DSCAM: variants seen among roughly 807,000 people sequenced by gnomAD.
The protein encoded by DSCAM is DS cell adhesion molecule.
DSCAM carries 47 observed loss-of-function variants against 217.7 expected under a neutral mutation model. The ratio of observed to expected loss-of-function variants is 0.22; its 90% confidence interval spans 0.17 to 0.28. The LOEUF (loss-of-function observed/expected upper bound fraction) is 0.28. Among genes scored for constraint, DSCAM ranks in the 10% least tolerant of loss-of-function variants. The pLI is 1.00. For missense variants in DSCAM, 2,080 were observed against 2,618.3 expected (o/e 0.79, Z 4.49); for synonymous variants, 1,056 against 1,015.3 (o/e 1.04, Z -0.76).
chr21:40,039,217 T>TAACA lies in DSCAM; in HGVS notation c.5686+3150_5686+3153dup, dbSNP rs201134920. 6.2e-3 allele frequency among the ~76,000 whole-genome samples: 935 copies of TAACA among 151,580 alleles called. 6 individuals carry two copies. Among genetic ancestry groups the TAACA allele is most frequent in the African/African-American group, 0.022 (896 of 41,272 alleles). ...ATATGAACTAAGAAAAACTAAAGTC[T>TAACA]AACAGGGGAAACGTGTCAGAAAAAA... On this transcript the variant is annotated intron_variant, in intron 32 of 32. Transcript: ENST00000400454.
chr21:40,335,106 A>G (rs2074416719), intron 8 of DSCAM, among the ~76,000 whole-genome samples: 1 of 152,136 alleles, frequency 6.6e-6, no homozygotes, highest in South Asian at 2.1e-4. Context: ...TTCCCCAGGT[A>G]TCCATGAGCT....
intron 16 of DSCAM, among the ~76,000 whole-genome samples, chr21:40,149,996 GACC>G (rs1461233335): frequency 1.4e-4 from 22 of 152,112 alleles, no homozygotes; most frequent in Admixed American, 1.1e-3. Flanking sequence ...CCACCACAAT[GACC>G]ACAACTACTA....
intron 3 of DSCAM, among the ~76,000 whole-genome samples, chr21:40,665,209 G>C (rs1169628821): frequency 6.6e-6 from 1 of 152,168 alleles, no homozygotes; most frequent in Admixed American, 6.5e-5. Flanking sequence ...GCTGGGCATG[G>C]GGAGGTGGCA....
chr21:40,143,735 G>A (rs901254375), intron 17 of DSCAM, among the ~76,000 whole-genome samples: 18 of 152,182 alleles, frequency 1.2e-4, no homozygotes, highest in Non-Finnish European at 1.9e-4. Flanking sequence ...AGCTTGCAGC[G>A]AGCCAAGATC....
intron 18 of DSCAM, among the ~76,000 whole-genome samples, chr21:40,138,694 G>C (rs2090246354): frequency 6.7e-6 from 1 of 149,212 alleles, no homozygotes; most frequent in Admixed American, 6.7e-5. Context: ...GGTGTGGTGT[G>C]TGGTGTATGT....
chr21:40,230,530 G>A (rs1409582878), intron 11 of DSCAM, among the ~76,000 whole-genome samples: 1 of 152,088 alleles, frequency 6.6e-6, no homozygotes, highest in African/African-American at 2.4e-5. Context: ...TTTCTCAGGT[G>A]TAGACTTAGG....
At chr21:40,043,144 G>A (rs1426752440) in intron 31 of DSCAM, among the ~76,000 whole-genome samples, 2 of 152,186 alleles carry the variant, frequency 1.3e-5, no homozygotes, top group Non-Finnish European at 2.9e-5. Flanking sequence ...CATGTTGCAC[G>A]GAAATTGGCC....
In DSCAM at chr21:40,312,307, C is replaced by T. The variant is rs1260697732; in HGVS notation, c.1836G>A (p.Arg612=). The change falls in exon 9 of 33, where the codon CGG becomes CGA. Residue 612 remains arginine (R), a synonymous_variant. Transcript: ENST00000400454. ...FEFPRFSIGQ[R]VFIPCVVVSG... is the part of the protein sequence containing the mutation. ...AGACCACAACACAGGGGATGAAGAC[C>T]CGCTGCCCAATGGAGAATCTTGGAA... 1.2e-6 allele frequency: 2 copies of T among 1,613,922 alleles called. No individual in the cohort carries two copies. Among genetic ancestry groups the T allele is most frequent in the Non-Finnish European group, 1.7e-6 (2 of 1,180,020 alleles).
chr21:40,794,328 C>T (rs1178130080), intron 1 of DSCAM, among the ~76,000 whole-genome samples: 1 of 151,930 alleles, frequency 6.6e-6, no homozygotes, highest in Non-Finnish European at 1.5e-5. Context: ...GTGAGGCTAA[C>T]CTGATGCATT....
chr21:40,588,143 A>G (rs1369514390), intron 3 of DSCAM, among the ~76,000 whole-genome samples: 1 of 152,220 alleles, frequency 6.6e-6, no homozygotes, highest in African/African-American at 2.4e-5. Flanking sequence ...TTACAGCCAC[A>G]GACCTTGGCG....
At position 40,079,399 on chromosome 21, in the gene DSCAM, T is replaced by C. The variant is rs562456897; in HGVS notation, c.4421-422A>G. On this transcript the variant is annotated intron_variant, in intron 25 of 32. Transcript: ENST00000400454. ...TCCACAACTAAACACTTGGTCTTGG[T>C]GCCCAGGGACCTAAAGGATATATTT... Among the ~76,000 whole-genome samples the C allele has an allele frequency of 4.6e-5, 7 of 152,310 alleles. No homozygotes were observed. In the South Asian group the frequency reaches 1.5e-3, roughly 32 times the overall value.
At chr21:40,838,525 T>A (rs2092074875) in intron 1 of DSCAM, among the ~76,000 whole-genome samples, 1 of 152,212 alleles carries the variant, frequency 6.6e-6, no homozygotes, top group African/African-American at 2.4e-5. Context: ...TGCAGAAGCA[T>A]CCAATAATGA....
intron 32 of DSCAM, among the ~76,000 whole-genome samples, chr21:40,028,364 T>C (rs1211562406): frequency 7.1e-6 from 1 of 140,296 alleles, no homozygotes; most frequent in East Asian, 2.2e-4. Context: ...CCTTGAGCTG[T>C]GGTGGGCTCC....
chr21:40,505,587 A>G (rs1183249956), intron 3 of DSCAM, among the ~76,000 whole-genome samples: 2 of 152,228 alleles, frequency 1.3e-5, no homozygotes, highest in Non-Finnish European at 2.9e-5. Context: ...ACTATAATGA[A>G]TGTCCTACAC....
rs142038194 is a variant in DSCAM at position 40,292,718 on chromosome 21, T to C, written c.2182+3337A>G. Among the ~76,000 whole-genome samples, 153 of 152,012 alleles carry C rather than the reference T, an allele frequency of 1.0e-3. 1 individual carries two copies. The East Asian group carries it at 0.023, about 23-fold the overall frequency. On this transcript the variant is annotated intron_variant, in intron 10 of 32. Transcript: ENST00000400454. ...TATACAAAGATAAATGTGACAGAAG[T>C]CATTAGAAGTCATTATGATATCTTT...
intron 3 of DSCAM, among the ~76,000 whole-genome samples, chr21:40,428,196 G>T (rs1189272491): frequency 6.6e-6 from 1 of 150,946 alleles, no homozygotes; most frequent in African/African-American, 2.4e-5. Context: ...CCCAACAAAG[G>T]CGCTGGCCTC....
rs137968582 is a variant in DSCAM, at chr21:40,290,464, T to C, written c.2182+5591A>G. Among the ~76,000 whole-genome samples the C allele has an allele frequency of 9.6e-3, 1,452 of 152,028 alleles. 23 individuals are homozygous for C. Among genetic ancestry groups the C allele is most frequent in the African/African-American group, 0.033 (1,376 of 41,456 alleles). On this transcript the variant is annotated intron_variant, in intron 10 of 32. Coordinates refer to ENST00000400454, the MANE Select transcript of DSCAM (RefSeq NM_001389.5). ...GGTGAAACCCCATCTCTACCCAAAATACAAAAATTAGCTGGGCATGGTAGT... is the reference window on the plus strand; with the variant it reads ...GGTGAAACCCCATCTCTACCCAAAACACAAAAATTAGCTGGGCATGGTAGT...
At chr21:40,500,206 A>T (rs56388134) in intron 3 of DSCAM, among the ~76,000 whole-genome samples, 13,504 of 152,280 alleles carry the variant, frequency 0.089, 702 homozygotes, top group Middle Eastern at 0.16. Context: ...TTTTTCCTAA[A>T]TATTTATGAA....
chr21:40,210,312 T>C (rs1342593798), intron 11 of DSCAM, among the ~76,000 whole-genome samples: 1 of 152,234 alleles, frequency 6.6e-6, no homozygotes, highest in East Asian at 1.9e-4. Context: ...CTTTTTAATG[T>C]ATATATTCAC....
Sources: gnomAD v4.1 joint callset for allele counts (sites outside exome capture counted in the v4.1 genomes callset) on GRCh38, gnomAD v4.1.1 for gene constraint, MANE v1.5 for transcripts, NCBI Gene and HGNC (gene_info 2026-07-23, HGNC 2026-07-21) for gene names.